NRG2: variants seen among roughly 807,000 people sequenced by gnomAD.
NRG2 encodes pro-neuregulin-2, membrane-bound isoform.
NRG2 carries 27 observed loss-of-function variants against 73.9 expected under a neutral mutation model. The observed-to-expected ratio is 0.37, with a 90% CI of 0.27 to 0.50. NRG2 has a LOEUF of 0.50. Ranked by LOEUF, NRG2 falls within the 20% of genes least tolerant of loss-of-function variation. The probability of loss-of-function intolerance (pLI) is 0.96; values close to 1 mark genes in which losing one functional copy is unlikely to be tolerated. For missense variants in NRG2, 1,126 were observed against 1,210.1 expected (o/e 0.93, Z 1.03); for synonymous variants, 532 against 541.0 (o/e 0.98, Z 0.23).
At chr5:139,860,531 T>C (rs1300747899) in intron 5 of NRG2, among the ~76,000 whole-genome samples, 1 of 151,980 alleles carries the variant, frequency 6.6e-6, no homozygotes, top group Admixed American at 6.6e-5. Flanking sequence ...AGGATGAGGC[T>C]CCAGATAGCA....
chr5:139,859,832 G>C, intron 5 of NRG2: 1 of 1,571,342 alleles, frequency 6.4e-7, no homozygotes, highest in Non-Finnish European at 8.7e-7. Flanking sequence ...CATGGCATCG[G>C]AGGCTGTGGA....
At chr5:139,885,254 G>A (rs1308634840) in intron 2 of NRG2, among the ~76,000 whole-genome samples, 1 of 152,224 alleles carries the variant, frequency 6.6e-6, no homozygotes, top group Non-Finnish European at 1.5e-5. Context: ...CAAAGCTCAG[G>A]AAAGTTCCAG....
intron 1 of NRG2, among the ~76,000 whole-genome samples, chr5:139,918,676 T>C (rs1032974575): frequency 6.6e-6 from 1 of 151,970 alleles, no homozygotes; most frequent in African/African-American, 2.4e-5. Context: ...TTTAGACAGG[T>C]TGGATTTGGA....
At chr5:139,955,110 C>CATAT (rs1250692029) in intron 1 of NRG2, among the ~76,000 whole-genome samples, 1 of 152,146 alleles carries the variant, frequency 6.6e-6, no homozygotes, top group Non-Finnish European at 1.5e-5. Context: ...GAGGGTTATC[C>CATAT]CCGGCCCTTG....
intron 1 of NRG2, among the ~76,000 whole-genome samples, chr5:140,039,591 A>G (rs1231630458): frequency 6.6e-6 from 1 of 152,182 alleles, no homozygotes; most frequent in Non-Finnish European, 1.5e-5. Flanking sequence ...GAAACGAGCC[A>G]TTTATGAGGA....
rs74890142 is a variant in NRG2, at chr5:139,907,964, C to A, written c.701-20453G>T. On this transcript the variant is annotated intron_variant, in intron 1 of 9. Coordinates refer to ENST00000361474, the MANE Select transcript of NRG2 (RefSeq NM_004883.3). The stretch of plus-strand genomic sequence containing the variant: ...TAGTGCTAAGCACTTTACACATTTT[C>A]TCTCTTGTTATCCTCACGACAATCC... Among the ~76,000 whole-genome samples the A allele has an allele frequency of 4.8e-3, 724 of 152,374 alleles. 6 individuals carry two copies. The highest frequency in any genetic ancestry group is 0.016 in the African/African-American group (681 of 41,586).
At position 139,852,325 on chromosome 5, in the gene NRG2, G is replaced by T. The variant is rs1761492142; in HGVS notation, c.1544+107C>A. 2 of 1,393,194 alleles carry T rather than the reference G, an allele frequency of 1.4e-6. No individual in the cohort carries two copies. The highest frequency in any genetic ancestry group is 2.4e-5 in the East Asian group (1 of 42,344). 86.3% of individuals were successfully genotyped at this position (1,393,194 alleles called of 1,614,324 possible). On this transcript the variant is annotated intron_variant, in intron 8 of 9. Transcript: ENST00000361474. The surrounding 1 kb of genome is among the most constrained non-coding windows in gnomAD (Gnocchi z 4.4). ...AGGTGTGCTGTGATTCCTGTGGCAAGCTCAGGGGAGGGTATTGAATAGCTC... is the reference window on the plus strand; with the variant it reads ...AGGTGTGCTGTGATTCCTGTGGCAATCTCAGGGGAGGGTATTGAATAGCTC...
intron 1 of NRG2, among the ~76,000 whole-genome samples, chr5:140,032,874 C>G (rs1761254201): frequency 6.6e-6 from 1 of 152,018 alleles, no homozygotes; most frequent in Non-Finnish European, 1.5e-5. Context: ...GGAAGAACCC[C>G]CAAATATATT....
intron 5 of NRG2, among the ~76,000 whole-genome samples, chr5:139,860,371 ATT>A (rs370113852): frequency 6.9e-6 from 1 of 144,880 alleles, no homozygotes. Context: ...TGGGGGCCCA[ATT>A]TTTTTTTTTT....
chr5:140,030,208 TCTTATA>T (rs1441012044), intron 1 of NRG2, among the ~76,000 whole-genome samples: 2 of 152,146 alleles, frequency 1.3e-5, no homozygotes, highest in African/African-American at 4.8e-5. Context: ...AAAAGTAAAC[TCTTATA>T]CTTATAAAAA....
chr5:139,881,113 C>G (rs926070446), intron 2 of NRG2, 139 bp from the exon 3 acceptor site: 4 of 677,294 alleles, frequency 5.9e-6, no homozygotes, highest in Non-Finnish European at 7.8e-6. Flanking sequence ...TCCCTCCCCC[C>G]AGCAATTTCT....
Position 139,864,807 on chromosome 5 carries a change from G to A in NRG2, c.1189+742C>T, listed in dbSNP as rs527413662. Among the ~76,000 whole-genome samples, 674 of 152,004 alleles carry A rather than the reference G, an allele frequency of 4.4e-3. 7 individuals carry two copies. Among genetic ancestry groups the A allele is most frequent in the African/African-American group, 0.015 (621 of 41,440 alleles). On this transcript the variant is annotated intron_variant, in intron 5 of 9. Transcript: ENST00000361474. Reference sequence around the variant, plus strand: ...ACTGCCAGACCCTTTGGTACCCTCAGGCAGCCTTCGGAGCAGGGGAGGGCT... The same window carrying A: ...ACTGCCAGACCCTTTGGTACCCTCAAGCAGCCTTCGGAGCAGGGGAGGGCT...
chr5:139,938,955 AAG>A (rs1202025105), intron 1 of NRG2, among the ~76,000 whole-genome samples: 28 of 144,944 alleles, frequency 1.9e-4, no homozygotes, highest in Non-Finnish European at 7.5e-5. Flanking sequence ...GAAAGAAAGA[AAG>A]AAAAAAGAAG....
intron 1 of NRG2, among the ~76,000 whole-genome samples, chr5:139,909,571 G>T (rs576190834): frequency 1.3e-5 from 2 of 152,174 alleles, no homozygotes; most frequent in Non-Finnish European, 2.9e-5. Context: ...ATGTTTGCCC[G>T]TGAGTTAAAA....
chr5:139,910,986 C>T (rs1036550337), intron 1 of NRG2, among the ~76,000 whole-genome samples: 11 of 151,806 alleles, frequency 7.2e-5, no homozygotes, highest in Admixed American at 2.0e-4. Context: ...AAGCATTGGC[C>T]GAAGAGAAGG....
chr5:140,038,651 G>C (rs891353720), intron 1 of NRG2, among the ~76,000 whole-genome samples: 2 of 152,200 alleles, frequency 1.3e-5, no homozygotes, highest in African/African-American at 4.8e-5. Flanking sequence ...CACTGATGGA[G>C]AGTCCTTCTA....
intron 1 of NRG2, among the ~76,000 whole-genome samples, chr5:139,938,850 A>AAGAGAGAGAG (rs61044289): frequency 5.7e-4 from 54 of 95,078 alleles, no homozygotes; most frequent in East Asian, 3.6e-3. Context: ...ACAGAAAGGG[A>AAGAGAGAGAG]AGAGAGAGAG....
chr5:139,864,551 C>T (rs1483710422), intron 5 of NRG2, among the ~76,000 whole-genome samples: 1 of 151,848 alleles, frequency 6.6e-6, no homozygotes, highest in East Asian at 1.9e-4. Context: ...TTAGCATCTC[C>T]AGCACCAACC....
chr5:140,002,916 T>C (rs921686037), intron 1 of NRG2, among the ~76,000 whole-genome samples: 2 of 152,122 alleles, frequency 1.3e-5, no homozygotes, highest in African/African-American at 4.8e-5. Context: ...ATGTACAGGA[T>C]TTGTAAAAGG....
Sources: allele counts gnomAD v4.1 joint callset (sites outside exome capture counted in the v4.1 genomes callset), GRCh38; gene constraint gnomAD v4.1.1; non-coding constraint Gnocchi (gnomAD v3.1); transcripts MANE v1.5; gene names NCBI Gene and HGNC (gene_info 2026-07-23, HGNC 2026-07-21).